Variants in PRKAR1A observed in about 807,000 individuals in gnomAD.
The protein encoded by PRKAR1A is cAMP-dependent protein kinase type I-alpha regulatory subunit.
In PRKAR1A, 3 loss-of-function variants were observed where a neutral mutation model predicts 52.0. The observed-to-expected ratio is 0.06, with a 90% CI of 0.03 to 0.15. The LOEUF (loss-of-function observed/expected upper bound fraction) is 0.15, where lower values mean the gene tolerates loss of function less well. PRKAR1A is among the 10% of genes least tolerant of loss of function. The probability of loss-of-function intolerance (pLI) is 1.00; values close to 1 mark genes in which losing one functional copy is unlikely to be tolerated. For synonymous variants in PRKAR1A, 188 were observed against 168.4 expected, an observed-to-expected ratio of 1.12 and a Z score of -0.90; for missense variants, 240 against 477.4, an observed-to-expected ratio of 0.50 and a Z score of 4.63.
chr17:68,429,911 T>C, the PRKAR1A span: 2 of 1,588,860 alleles, frequency 1.3e-6, no homozygotes, highest in Non-Finnish European at 1.7e-6. Flanking sequence ...TCTTTTTTTC[T>C]TTTCAGGTTT....
At chr17:68,451,251 C>T in the PRKAR1A span, among the ~76,000 whole-genome samples, 9 of 152,046 alleles carry the variant, frequency 5.9e-5, no homozygotes, top group Non-Finnish European at 4.4e-5. Flanking sequence ...GCCAACATGG[C>T]GAAACCCCAT....
the PRKAR1A span, chr17:68,450,723 C>A: frequency 6.2e-7 from 1 of 1,603,960 alleles, no homozygotes; most frequent in Non-Finnish European, 8.5e-7. Flanking sequence ...GATTTCCCCA[C>A]TTACTTGCCG....
downstream of PRKAR1A, chr17:68,535,249 A>G (rs2143423854): frequency 2.2e-6 from 1 of 451,308 alleles, no homozygotes; most frequent in Middle Eastern, 7.0e-4. Flanking sequence ...GTTACTAATC[A>G]AAAAGTAATG....
At chr17:68,434,520 G>A in the PRKAR1A span, 328 of 1,610,544 alleles carry the variant, frequency 2.0e-4, no homozygotes, top group Middle Eastern at 2.2e-3. Context: ...GGACTTCTGC[G>A]GGGACTTTAA....
At position 68,531,041 on chromosome 17, in the gene PRKAR1A, A is replaced by G; in HGVS notation, c.*592A>G. ...ATTGGTTCAGTTTTTTTTTTTCCAG[A>G]GTTGTTGTTTGCCAAGCTAATCTGC... On this transcript the variant is annotated 3_prime_UTR_variant, in exon 11 of 11. Transcript: ENST00000589228. 9.4e-7 allele frequency: 1 copy of G among 1,067,362 alleles called. No homozygotes were observed. The highest frequency in any genetic ancestry group is 1.1e-6 in the Non-Finnish European group (1 of 880,978). 66.1% of individuals were successfully genotyped at this position (1,067,362 alleles called of 1,614,324 possible).
the PRKAR1A span, chr17:68,457,358 A>T: frequency 6.5e-7 from 1 of 1,544,640 alleles, no homozygotes; most frequent in Non-Finnish European, 8.7e-7. Context: ...TCCTGGTTGA[A>T]AGAGAAGCAG....
chr17:68,480,741 G>A, the PRKAR1A span, among the ~76,000 whole-genome samples: 4 of 152,004 alleles, frequency 2.6e-5, no homozygotes, highest in African/African-American at 4.8e-5. Context: ...GTAGAGATGG[G>A]GATTCATTAT....
chr17:68,464,687 C>CA, the PRKAR1A span, among the ~76,000 whole-genome samples: 279 of 124,502 alleles, frequency 2.2e-3, 1 homozygote, highest in African/African-American at 5.2e-3. Context: ...GACTCTGTCT[C>CA]AAAAAAAAAA....
the PRKAR1A span, among the ~76,000 whole-genome samples, chr17:68,414,898 T>C: frequency 6.6e-6 from 1 of 152,230 alleles, no homozygotes; most frequent in African/African-American, 2.4e-5. Context: ...TGTTTCTTAT[T>C]GAGTTTATTT....
At chr17:68,536,159 A>G (rs777241671), downstream of PRKAR1A, 41 of 454,132 alleles carry the variant, frequency 9.0e-5, no homozygotes, top group South Asian at 2.9e-4. Context: ...AGTCGAGGCT[A>G]TCTTTGCTCA....
intron 3 of PRKAR1A, among the ~76,000 whole-genome samples, chr17:68,523,195 C>T (rs1236594673): frequency 6.6e-6 from 1 of 152,126 alleles, no homozygotes; most frequent in African/African-American, 2.4e-5. Flanking sequence ...GGCGGTATTG[C>T]TTTTTCTCTT....
the PRKAR1A span, among the ~76,000 whole-genome samples, chr17:68,495,399 T>C: frequency 2.0e-4 from 31 of 152,262 alleles, no homozygotes; most frequent in African/African-American, 7.0e-4. Context: ...TATACCAGCC[T>C]CCTTTTCTTA....
At chr17:68,478,753 ACT>A in the PRKAR1A span, among the ~76,000 whole-genome samples, 8 of 147,024 alleles carry the variant, frequency 5.4e-5, no homozygotes, top group African/African-American at 2.0e-4. Flanking sequence ...TTTGAGACAG[ACT>A]CTCGCTCTGT....
downstream of PRKAR1A, chr17:68,535,957 A>G (rs1415255960): frequency 8.8e-6 from 4 of 454,038 alleles, no homozygotes; most frequent in African/African-American, 2.0e-5. Context: ...AAGTTCTTCC[A>G]TGCACATTGG....
the PRKAR1A span, among the ~76,000 whole-genome samples, chr17:68,431,244 A>G: frequency 6.6e-6 from 1 of 152,174 alleles, no homozygotes; most frequent in African/African-American, 2.4e-5. Flanking sequence ...ACCACAGAGG[A>G]AGGGAGAGGC....
At chr17:68,482,540 A>C in the PRKAR1A span, among the ~76,000 whole-genome samples, 9 of 152,230 alleles carry the variant, frequency 5.9e-5, no homozygotes, top group African/African-American at 2.2e-4. Flanking sequence ...AATGGCAAAG[A>C]CATTTAGGAT....
chr17:68,484,046 G>A, the PRKAR1A span, among the ~76,000 whole-genome samples: 1 of 152,022 alleles, frequency 6.6e-6, no homozygotes, highest in Non-Finnish European at 1.5e-5. Context: ...CTTTGTTTTT[G>A]TTATTCTAGG....
At chr17:68,540,036 C>T in intron 11 of PRKAR1A, 1 of 1,362,070 alleles carries the variant, frequency 7.3e-7, no homozygotes. Context: ...CCTGAGTTCT[C>T]TCCAGGGAAC....
In PRKAR1A at chr17:68,528,866, T is replaced by G. The variant is rs765856985; in HGVS notation, c.770-4T>G. On this transcript the variant is annotated splice_region_variant and splice_polypyrimidine_tract_variant and intron_variant, in intron 8 of 10. Transcript: ENST00000589228. Reference sequence around the variant, plus strand: ...GAGCAGTTATTTTGATTCTTGTCTTTCAGAGTCTCTGGACAAGTGGGAACG... The same window carrying G: ...GAGCAGTTATTTTGATTCTTGTCTTGCAGAGTCTCTGGACAAGTGGGAACG... 4 of 1,613,838 alleles carry G rather than the reference T, an allele frequency of 2.5e-6. No homozygotes were observed. In the South Asian group the frequency reaches 4.4e-5, roughly 18 times the overall value.
Sources: allele counts gnomAD v4.1 joint callset (sites outside exome capture counted in the v4.1 genomes callset), GRCh38; gene constraint gnomAD v4.1.1; transcripts MANE v1.5; gene names NCBI Gene and HGNC (gene_info 2026-07-23, HGNC 2026-07-21).